The following NAV2 variants were observed in gnomAD, a reference collection of about 807,000 sequenced individuals.
The protein encoded by NAV2 is helicase, APC down-regulated 1.
A neutral mutation model predicts 223.2 loss-of-function variants in NAV2; 54 were observed. That is an observed-to-expected ratio of 0.24 (90% confidence interval 0.19 to 0.30). The LOEUF (loss-of-function observed/expected upper bound fraction) is 0.30, where lower values mean the gene tolerates loss of function less well. Among genes scored for constraint, NAV2 ranks in the 10% least tolerant of loss-of-function variants. The probability of loss-of-function intolerance (pLI) is 1.00; values close to 1 mark genes in which losing one functional copy is unlikely to be tolerated. For missense variants in NAV2, 2,806 were observed against 3,147.5 expected (o/e 0.89, Z 2.60); for synonymous variants, 1,279 against 1,239.3 (o/e 1.03, Z -0.67).
chr11:19,715,210 G>C (rs1164510429), intron 1 of NAV2, among the ~76,000 whole-genome samples: 1 of 152,136 alleles, frequency 6.6e-6, no homozygotes, highest in African/African-American at 2.4e-5. Context: ...TCCCACACCA[G>C]GCTGATAAGC....
rs1294769332 is a variant in NAV2, at chr11:20,092,278, G to A, written c.5725G>A (p.Ala1909Thr). 1.2e-6 allele frequency: 2 copies of A among 1,614,162 alleles called. No homozygotes were observed. Among genetic ancestry groups the A allele is most frequent in the South Asian group, 1.1e-5 (1 of 91,084 alleles). Reference sequence around the variant, plus strand: ...GTCTCAAGGCAGTGGCTGCAGCCGGGCTCCTTCCCAAGTGTCCATCTCTGC... The same window carrying A: ...GTCTCAAGGCAGTGGCTGCAGCCGGACTCCTTCCCAAGTGTCCATCTCTGC... ...SESQGSGCSR[A>T]PSQVSISASP... The change falls in exon 28 of 38, where the codon GCT (alanine) becomes ACT (threonine). Residue 1909 changes from alanine to threonine, a missense_variant. By Grantham distance (58) the Ala-to-Thr change is moderately conservative (BLOSUM62 0). Coordinates refer to ENST00000349880, the MANE Select transcript of NAV2 (RefSeq NM_145117.5).
intron 1 of NAV2, among the ~76,000 whole-genome samples, chr11:19,422,270 G>C (rs1337639571): frequency 6.6e-6 from 1 of 152,192 alleles, no homozygotes; most frequent in South Asian, 2.1e-4. Flanking sequence ...TTGGTACGTG[G>C]TGGTTTACTC....
intron 10 of NAV2, among the ~76,000 whole-genome samples, chr11:19,974,685 G>A (rs1398695917): frequency 4.6e-5 from 7 of 152,084 alleles, no homozygotes; most frequent in African/African-American, 1.7e-4. Flanking sequence ...AGGCTGAGAC[G>A]GGAGGATCCC....
chr11:19,877,228 G>T (rs2062893551), intron 4 of NAV2, among the ~76,000 whole-genome samples: 1 of 151,662 alleles, frequency 6.6e-6, no homozygotes, highest in South Asian at 2.1e-4. Context: ...AGGATTAAAT[G>T]AGATCATGCA....
At chr11:19,983,018 T>A (rs1306550105) in intron 10 of NAV2, among the ~76,000 whole-genome samples, 2 of 152,178 alleles carry the variant, frequency 1.3e-5, no homozygotes, top group Admixed American at 6.5e-5. Flanking sequence ...TGATTTGAAA[T>A]GTAAAATGCT....
At chr11:19,765,974 T>C (rs1425000975) in intron 1 of NAV2, among the ~76,000 whole-genome samples, 1 of 152,088 alleles carries the variant, frequency 6.6e-6, no homozygotes, top group Non-Finnish European at 1.5e-5. Flanking sequence ...GCATCAGCTC[T>C]TCCAGGGCAG....
At chr11:19,599,637 G>A (rs937691174) in intron 1 of NAV2, among the ~76,000 whole-genome samples, 9 of 152,204 alleles carry the variant, frequency 5.9e-5, no homozygotes, top group Admixed American at 5.9e-4. Context: ...GCTTATTTGT[G>A]TTTATTTTAT....
chr11:19,456,858 C>T (rs1209260685), intron 1 of NAV2, among the ~76,000 whole-genome samples: 1 of 152,184 alleles, frequency 6.6e-6, no homozygotes, highest in Non-Finnish European at 1.5e-5. Context: ...CAGATGCTGT[C>T]ATCTGCTTAA....
chr11:19,759,557 T>A (rs902849275), intron 1 of NAV2, among the ~76,000 whole-genome samples: 2 of 152,180 alleles, frequency 1.3e-5, no homozygotes, highest in Non-Finnish European at 2.9e-5. Context: ...GTAAACAGAA[T>A]AAATCGATTG....
At chr11:19,945,104 TTTC>T (rs1181060211) in intron 8 of NAV2, among the ~76,000 whole-genome samples, 13 of 118,044 alleles carry the variant, frequency 1.1e-4, no homozygotes, top group African/African-American at 3.3e-4. Context: ...TCTTCTCTTC[TTTC>T]TTTTTTTCTC....
chr11:19,670,838 A>G (rs1007034274), intron 1 of NAV2, among the ~76,000 whole-genome samples: 2 of 152,170 alleles, frequency 1.3e-5, no homozygotes, highest in African/African-American at 4.8e-5. Context: ...TGGATAAATA[A>G]TGACACCCTG....
chr11:19,614,828 G>A (rs745700062), intron 1 of NAV2, among the ~76,000 whole-genome samples: 8 of 152,270 alleles, frequency 5.3e-5, no homozygotes, highest in South Asian at 2.1e-4. Context: ...CCAGGTCACC[G>A]TAAGGATTAT....
chr11:19,708,007 A>G (rs531731913), upstream of NAV2, among the ~76,000 whole-genome samples: 2 of 152,336 alleles, frequency 1.3e-5, no homozygotes, highest in South Asian at 2.1e-4. Context: ...ACATACACAC[A>G]TACATACCCC....
rs1391371083 is a variant in NAV2 at position 19,933,579 on chromosome 11, C to T, written c.1335C>T (p.Ala445=). The change falls in exon 7 of 38, where the codon GCC becomes GCT. Residue 445 remains alanine, a synonymous_variant. Coordinates refer to ENST00000349880, the MANE Select transcript of NAV2 (RefSeq NM_145117.5). This position sits in a 1 kb window ranked among gnomAD's most constrained non-coding sequence, Gnocchi z 4.3. The part of the protein sequence containing the change: ...SFEESEELEA[A]SRMLTTVGPA... ...AAGAGAGCGAGGAGCTGGAGGCCGC[C>T]AGTCGCATGCTCACCACCGTGGGCC... The T allele has an allele frequency of 6.2e-7, 1 of 1,611,058 alleles. No homozygotes were observed. Among genetic ancestry groups the T allele is most frequent in the African/African-American group, 1.3e-5 (1 of 74,936 alleles).
chr11:19,345,304 G>A, the NAV2 span, among the ~76,000 whole-genome samples: 1 of 152,240 alleles, frequency 6.6e-6, no homozygotes, highest in Non-Finnish European at 1.5e-5. The surrounding 1 kb of genome is among the most constrained non-coding windows in gnomAD (Gnocchi z 5.2). Context: ...AAGCCGGTGT[G>A]GGCGCAGGTA....
At chr11:20,060,523 C>T (rs558587280) in intron 19 of NAV2, among the ~76,000 whole-genome samples, 10 of 152,272 alleles carry the variant, frequency 6.6e-5, no homozygotes, top group Admixed American at 2.0e-4. Flanking sequence ...AGATCTAGAA[C>T]GCAGGGCATT....
chr11:19,392,612 T>C (rs1056895563), intron 1 of NAV2, among the ~76,000 whole-genome samples: 3 of 152,204 alleles, frequency 2.0e-5, no homozygotes, highest in Non-Finnish European at 4.4e-5. Context: ...CTGCCTTTTG[T>C]GACCTAGCCT....
intron 11 of NAV2, among the ~76,000 whole-genome samples, chr11:20,007,473 A>G (rs2053185186): frequency 6.6e-6 from 1 of 152,206 alleles, no homozygotes; most frequent in South Asian, 2.1e-4. Context: ...ATCTCTCCAC[A>G]TTGATTGGGT....
rs145803097 is a variant in NAV2 at position 19,525,548 on chromosome 11, C to T, written c.75+174521C>T. On this transcript the variant is annotated intron_variant, in intron 1 of 37. Coordinates refer to the NAV2 transcript ENST00000360655. The stretch of plus-strand genomic sequence containing the variant: ...ACAAGTCTGTGTGCCCAGGGAGCCA[C>T]GCAGGGGAAGAAGGTTAGAAGGCTG... 1.8e-4 allele frequency among the ~76,000 whole-genome samples: 27 copies of T among 152,242 alleles called. No homozygotes were observed. In the East Asian group the frequency reaches 2.3e-3, roughly 13 times the overall value.
Sources: allele counts gnomAD v4.1 joint callset (sites outside exome capture counted in the v4.1 genomes callset), GRCh38; gene constraint gnomAD v4.1.1; non-coding constraint Gnocchi (gnomAD v3.1); transcripts MANE v1.5; gene names NCBI Gene and HGNC (gene_info 2026-07-23, HGNC 2026-07-21).